The following R3HDM1 variants were observed in gnomAD, a reference collection of about 807,000 sequenced individuals.
R3HDM1 encodes R3H domain-containing protein 1.
A neutral mutation model predicts 141.1 loss-of-function variants in R3HDM1; 46 were observed. That is an observed-to-expected ratio of 0.33 (90% CI 0.26 to 0.42). The LOEUF is 0.42. Ranked by LOEUF, R3HDM1 falls within the 10% of genes least tolerant of loss-of-function variation. R3HDM1 has a pLI of 1.00. For missense variants in R3HDM1, 1,184 were observed against 1,368.3 expected, an observed-to-expected ratio of 0.87 and a Z score of 2.12; for synonymous variants, 435 against 472.9, an observed-to-expected ratio of 0.92 and a Z score of 1.04.
intron 24 of R3HDM1, among the ~76,000 whole-genome samples, chr2:135,718,070 C>CA (rs985131048): frequency 6.6e-6 from 1 of 151,876 alleles, no homozygotes; most frequent in African/African-American, 2.4e-5. Flanking sequence ...CGACGTTAAC[C>CA]AAAAAATAAG....
chr2:135,583,089 G>A (rs1049991014), intron 1 of R3HDM1, among the ~76,000 whole-genome samples: 2 of 152,110 alleles, frequency 1.3e-5, no homozygotes, highest in African/African-American at 2.4e-5. Context: ...GAAATTTAAC[G>A]TTTATAAGAT....
chr2:135,675,418 C>A lies in R3HDM1; in HGVS notation c.2239C>A (p.Gln747Lys). 6.2e-7 allele frequency: 1 copy of A among 1,613,898 alleles called. No individual in the cohort carries two copies. The highest frequency in any genetic ancestry group is 8.5e-7 in the Non-Finnish European group (1 of 1,179,840). Residue 747 changes from glutamine (Q) to lysine (K), a missense_variant, in exon 20 of 27, where the codon CAA becomes AAA. Physicochemically the swap from Gln to Lys is moderately conservative, Grantham distance 53 (BLOSUM62 1). Transcript: ENST00000683871. ...QPQSQSLVSG[Q>K]PNSIGNQIQG... ...CCAGAGTCAGAGCCTAGTCAGTGGC[C>A]AACCCAACAGCATTGGAAATCAGAT...
At chr2:135,650,043 G>T (rs753146343) in intron 17 of R3HDM1, 40 bp downstream of exon 17, 16 of 1,181,860 alleles carry the variant, frequency 1.4e-5, no homozygotes, top group Middle Eastern at 4.7e-4. Flanking sequence ...GTTTCTGTGG[G>T]TGGATGTGTG....
At chr2:135,623,270 C>T (rs779680300) in intron 7 of R3HDM1, among the ~76,000 whole-genome samples, 9 of 152,112 alleles carry the variant, frequency 5.9e-5, no homozygotes, top group Non-Finnish European at 1.3e-4. Context: ...TTGAGACATT[C>T]TCCCTGCAAA....
intron 1 of R3HDM1, among the ~76,000 whole-genome samples, chr2:135,559,618 G>A (rs1701428555): frequency 1.3e-5 from 2 of 152,156 alleles, no homozygotes; most frequent in Admixed American, 6.5e-5. Context: ...AGATACTTGG[G>A]CTGAGCCCCT....
chr2:135,639,362 T>C (rs1327393679), intron 14 of R3HDM1, among the ~76,000 whole-genome samples: 1 of 152,232 alleles, frequency 6.6e-6, no homozygotes, highest in African/African-American at 2.4e-5. Flanking sequence ...TATTGTGACA[T>C]AAACTTAATT....
At position 135,638,678 on chromosome 2, in the gene R3HDM1, T is replaced by A. The variant is rs201297779; in HGVS notation, c.941+23T>A. ...AAGGTGAGGGAATTTTTAACATCTG[T>A]TTTGGTAATTGTCTGACTGATGCTA... On this transcript the variant is annotated intron_variant, in intron 12 of 26. Transcript: ENST00000683871. 6 of 1,611,196 alleles carry A rather than the reference T, an allele frequency of 3.7e-6. No individual in the cohort carries two copies. In the African/African-American group the frequency reaches 8.0e-5, roughly 21 times the overall value.
At chr2:135,712,138 A>G (rs910565285) in intron 23 of R3HDM1, among the ~76,000 whole-genome samples, 2 of 152,106 alleles carry the variant, frequency 1.3e-5, no homozygotes, top group Non-Finnish European at 2.9e-5. Flanking sequence ...ATGCTTTTCT[A>G]TCTATACTTT....
At chr2:135,538,123 A>T (rs1696629052) in intron 1 of R3HDM1, among the ~76,000 whole-genome samples, 1 of 152,240 alleles carries the variant, frequency 6.6e-6, no homozygotes, top group African/African-American at 2.4e-5. Context: ...TATCTAAGTT[A>T]TATGATATGT....
chr2:135,651,691 G>T (rs201010155), intron 17 of R3HDM1, 39 bp from the exon 18 acceptor site: 3 of 1,568,138 alleles, frequency 1.9e-6, no homozygotes, highest in Non-Finnish European at 2.6e-6. Context: ...TGGCCTATGT[G>T]TAGAAGGCTT....
At chr2:135,596,988 G>C in intron 1 of R3HDM1, 1 of 976,194 alleles carries the variant, frequency 1.0e-6, no homozygotes, top group Non-Finnish European at 1.2e-6. Context: ...TTTCTAAAGT[G>C]GATCACAATG....
chr2:135,663,948 C>T (rs1432458766), intron 19 of R3HDM1, among the ~76,000 whole-genome samples: 10 of 149,800 alleles, frequency 6.7e-5, no homozygotes, highest in African/African-American at 2.5e-4. Context: ...GCAGGAGAAT[C>T]GTTTGAACCT....
intron 18 of R3HDM1, among the ~76,000 whole-genome samples, chr2:135,660,707 A>G (rs2066582627): frequency 6.6e-6 from 1 of 151,946 alleles, no homozygotes. Context: ...TTAGCTGGGC[A>G]TGGTGGCACA....
intron 18 of R3HDM1, among the ~76,000 whole-genome samples, chr2:135,652,239 G>T (rs1014432731): frequency 4.6e-5 from 7 of 152,192 alleles, no homozygotes; most frequent in Non-Finnish European, 8.8e-5. Flanking sequence ...GGTTGGTAAA[G>T]TATGTGAGCT....
intron 5 of R3HDM1, chr2:135,620,486 G>A: frequency 1.0e-6 from 1 of 981,386 alleles, no homozygotes; most frequent in Non-Finnish European, 1.2e-6. Context: ...AACTGCCAGT[G>A]TGCATCATTT....
At chr2:135,643,352 T>G (rs1267003158) in intron 15 of R3HDM1, among the ~76,000 whole-genome samples, 1 of 152,060 alleles carries the variant, frequency 6.6e-6, no homozygotes, top group Non-Finnish European at 1.5e-5. Flanking sequence ...CTTTTTCTGC[T>G]TGATAGCTAT....
intron 1 of R3HDM1, among the ~76,000 whole-genome samples, chr2:135,571,814 C>T (rs191948374): frequency 6.6e-4 from 100 of 152,156 alleles, no homozygotes; most frequent in African/African-American, 2.3e-3. Context: ...TTTGTAGAGA[C>T]GGGGTTTCAC....
At chr2:135,557,652 A>T (rs1317615969) in intron 1 of R3HDM1, among the ~76,000 whole-genome samples, 1 of 152,236 alleles carries the variant, frequency 6.6e-6, no homozygotes, top group Non-Finnish European at 1.5e-5. Flanking sequence ...AGTGGCAAGG[A>T]TGATCATATG....
At chr2:135,592,337 A>G (rs764617131) in intron 1 of R3HDM1, among the ~76,000 whole-genome samples, 2 of 152,186 alleles carry the variant, frequency 1.3e-5, no homozygotes, top group African/African-American at 2.4e-5. Context: ...CTTATTTTCC[A>G]ATTATTGATA....
Sources: gnomAD v4.1 joint callset for allele counts (sites outside exome capture counted in the v4.1 genomes callset) on GRCh38, gnomAD v4.1.1 for gene constraint, MANE v1.5 for transcripts, NCBI Gene and HGNC (gene_info 2026-07-23, HGNC 2026-07-21) for gene names.